The following NIN variants were observed in gnomAD, a reference collection of about 807,000 sequenced individuals.
NIN encodes the protein ninein, also known as glycogen synthase kinase 3 beta-interacting protein.
In NIN, 137 loss-of-function variants were observed where a neutral mutation model predicts 257.6. The ratio of observed to expected loss-of-function variants is 0.53; its 90% CI spans 0.46 to 0.61. The LOEUF (loss-of-function observed/expected upper bound fraction) is 0.61. NIN is among the 20% of genes least tolerant of loss of function. The pLI is 0.00. For missense variants in NIN, 2,439 were observed against 2,501.2 expected (o/e 0.98, Z 0.53); for synonymous variants, 918 against 919.8 (o/e 1.00, Z 0.04).
intron 27 of NIN, among the ~76,000 whole-genome samples, chr14:50,737,032 C>T (rs1021096012): frequency 4.6e-5 from 7 of 152,260 alleles, no homozygotes; most frequent in African/African-American, 1.7e-4. Flanking sequence ...CCTCAAAGAG[C>T]CCCACCTCCG....
chr14:50,827,827 A>G (rs181116629), intron 2 of NIN, among the ~76,000 whole-genome samples: 1 of 151,874 alleles, frequency 6.6e-6, no homozygotes, highest in African/African-American at 2.4e-5. Flanking sequence ...TATTTAACTA[A>G]GGGAATCCTA....
At chr14:50,799,794 C>T (rs191619969) in intron 4 of NIN, among the ~76,000 whole-genome samples, 1 of 152,148 alleles carries the variant, frequency 6.6e-6, no homozygotes, top group South Asian at 2.1e-4. Context: ...GCTAACATGG[C>T]GAAACCCTGT....
At chr14:50,766,727 T>G in intron 13 of NIN, 53 bp downstream of exon 13, 1 of 1,259,112 alleles carries the variant, frequency 7.9e-7, no homozygotes, top group Middle Eastern at 1.9e-4. Flanking sequence ...TTCTTTTGAG[T>G]AAACTACATA....
chr14:50,761,824 T>A lies in NIN; in HGVS notation c.1862A>T (p.Asp621Val). Residue 621 changes from aspartate to valine, a missense_variant, in exon 16 of 31, where the codon GAC (aspartate) becomes GTC (valine). Asp to Val is a radical substitution (Grantham distance 152). This residue lies in a region of NIN where 2,043 missense variants were observed against 2,050.2 expected (regional missense o/e 1.00). Transcript: ENST00000530997. The part of the protein sequence containing the change: ...IEQMKEQHHR[D>V]ICCLRLELED... ...GAGCTCCAGTCTGAGGCAACATATG[T>A]CCCTGTGATGTTGTTCTTTCATCTG... 6.2e-7 allele frequency: 1 copy of A among 1,614,120 alleles called. No homozygotes were observed. The highest frequency in any genetic ancestry group is 8.5e-7 in the Non-Finnish European group (1 of 1,179,930).
intron 12 of NIN, among the ~76,000 whole-genome samples, chr14:50,768,952 C>A (rs1424233968): frequency 3.9e-5 from 6 of 152,136 alleles, no homozygotes. Context: ...GATGAGTAAT[C>A]ATGAGGGAAG....
At chr14:50,730,851 GA>G in intron 28 of NIN, 1 of 1,191,764 alleles carries the variant, frequency 8.4e-7, no homozygotes, top group Non-Finnish European at 1.1e-6. Context: ...ACAATCAACA[GA>G]AATAACATGA....
Position 50,723,422 on chromosome 14 carries a change from T to G in NIN, c.*41A>C, listed in dbSNP as rs764560203. The stretch of plus-strand genomic sequence containing the variant: ...AGAACCTACTGAAATGTTCATCTAT[T>G]TCAGTAAAGTGCACAAATATGAGTG... On this transcript the variant is annotated 3_prime_UTR_variant, in exon 31 of 31. Coordinates refer to ENST00000530997, the MANE Select transcript of NIN (RefSeq NM_020921.4). 6.4e-6 allele frequency: 10 copies of G among 1,552,748 alleles called. No homozygotes were observed. In the Admixed American group the frequency reaches 6.8e-5, roughly 11 times the overall value.
chr14:50,795,894 G>A (rs985453170), intron 4 of NIN, among the ~76,000 whole-genome samples: 2 of 152,132 alleles, frequency 1.3e-5, no homozygotes, highest in African/African-American at 4.8e-5. Flanking sequence ...CAGGAGAATC[G>A]GTTGAACCTA....
chr14:50,782,603 T>C (rs1343122707), intron 5 of NIN, among the ~76,000 whole-genome samples: 1 of 152,224 alleles, frequency 6.6e-6, no homozygotes, highest in East Asian at 1.9e-4. Context: ...TGCATATTGG[T>C]TGAAGGACTA....
At chr14:50,725,243 C>A (rs566020334) in intron 30 of NIN, among the ~76,000 whole-genome samples, 1 of 152,232 alleles carries the variant, frequency 6.6e-6, no homozygotes, top group South Asian at 2.1e-4. Context: ...TTCTGCCCCC[C>A]ACCCCACATG....
intron 2 of NIN, among the ~76,000 whole-genome samples, chr14:50,826,226 A>G (rs2045451966): frequency 6.6e-6 from 1 of 152,218 alleles, no homozygotes. Context: ...GAAGAGCTCC[A>G]GTGTTACGAA....
At chr14:50,824,629 C>T (rs1221194782) in intron 2 of NIN, among the ~76,000 whole-genome samples, 4 of 152,290 alleles carry the variant, frequency 2.6e-5, no homozygotes, top group South Asian at 2.1e-4. Flanking sequence ...GTAAGATCCA[C>T]GCTCCTATTT....
intron 29 of NIN, chr14:50,726,461 C>T (rs543055065): frequency 1.2e-5 from 2 of 167,386 alleles, no homozygotes; most frequent in South Asian, 3.6e-4. Flanking sequence ...AACAACAAAA[C>T]AAGCACTGAA....
In NIN at chr14:50,770,940, C is replaced by T; in HGVS notation, c.1171G>A (p.Asp391Asn). 6.2e-7 allele frequency: 1 copy of T among 1,614,210 alleles called. No individual in the cohort carries two copies. Residue 391 changes from aspartate (D) to asparagine (N), a missense_variant, in exon 11 of 31, where the codon GAC (aspartate) becomes AAC (asparagine). Asp to Asn is a conservative substitution (Grantham distance 23). Coordinates refer to ENST00000530997, the MANE Select transcript of NIN (RefSeq NM_020921.4). Reference protein sequence around the residue: ...REKEKLRSDLDKAEKLKSLMA... With the variant: ...REKEKLRSDLNKAEKLKSLMA... The stretch of plus-strand genomic sequence containing the variant: ...AAAGACTTGAGCTTCTCGGCCTTGT[C>T]CAGATCTGACCGTAGCTTCTCTTTT...
intron 6 of NIN, 147 bp downstream of exon 6, chr14:50,778,618 G>A: frequency 1.4e-6 from 1 of 713,294 alleles, no homozygotes; most frequent in South Asian, 1.6e-5. Context: ...AAAACTAAAA[G>A]CTATCAATTG....
intron 4 of NIN, among the ~76,000 whole-genome samples, chr14:50,802,596 GAATGTTAAGTAA>G (rs1228161714): frequency 6.6e-6 from 1 of 152,130 alleles, no homozygotes; most frequent in Non-Finnish European, 1.5e-5. Flanking sequence ...TAGTTTCAAT[GAATGTTAAGTAA>G]AATCTTACAT....
intron 2 of NIN, among the ~76,000 whole-genome samples, chr14:50,826,425 C>T (rs896697554): frequency 2.6e-5 from 4 of 152,118 alleles, no homozygotes; most frequent in Non-Finnish European, 4.4e-5. Flanking sequence ...CAATAACCAC[C>T]CATAATGACA....
intron 3 of NIN, among the ~76,000 whole-genome samples, chr14:50,808,957 A>T (rs2044457662): frequency 6.6e-6 from 1 of 152,198 alleles, no homozygotes; most frequent in African/African-American, 2.4e-5. Context: ...ACAGTGGCTC[A>T]CGCCTGTAAT....
Position 50,722,467 on chromosome 14 carries a change from T to C in NIN, c.*996A>G, listed in dbSNP as rs2040290396. 1 of 211,324 alleles carries C rather than the reference T, an allele frequency of 4.7e-6. No homozygotes were observed. The highest frequency in any genetic ancestry group is 7.1e-5 in the East Asian group (1 of 14,070). The allele number at this position is 211,324 out of a possible 1,614,324, so 13.1% of individuals were successfully genotyped here. On this transcript the variant is annotated 3_prime_UTR_variant, in exon 31 of 31. Transcript: ENST00000530997. Reference sequence around the variant, plus strand: ...AAAAATTCTAGTATGGCTGTAAATATATAAGACAAATAAATGAGGTCACAT... The same window carrying C: ...AAAAATTCTAGTATGGCTGTAAATACATAAGACAAATAAATGAGGTCACAT...
Sources: gnomAD v4.1 joint callset for allele counts (sites outside exome capture counted in the v4.1 genomes callset) on GRCh38, gnomAD v4.1.1 for gene constraint, gnomAD v4.1.1 regional missense constraint, MANE v1.5 for transcripts, NCBI Gene and HGNC (gene_info 2026-07-23, HGNC 2026-07-21) for gene names.